The following COL19A1 variants were observed in gnomAD, a reference collection of about 807,000 sequenced individuals.
The protein encoded by COL19A1 is collagen type XIX alpha 1 chain.
A neutral mutation model predicts 190.2 loss-of-function variants in COL19A1; 159 were observed. The observed-to-expected ratio is 0.84, with a 90% CI of 0.73 to 0.95. The LOEUF is 0.95. Ranked by LOEUF, COL19A1 falls within the 40% of genes least tolerant of loss-of-function variation. The pLI is 0.00. For synonymous variants in COL19A1, 509 were observed against 458.9 expected (o/e 1.11, Z -1.39); for missense variants, 1,418 against 1,431.9 (o/e 0.99, Z 0.16).
chr6:69,999,952 G>A (rs1007826777), intron 11 of COL19A1, among the ~76,000 whole-genome samples: 6 of 151,950 alleles, frequency 3.9e-5, no homozygotes, highest in African/African-American at 1.5e-4. Flanking sequence ...TGTTACATAG[G>A]TATACGTGTG....
At chr6:70,137,187 C>A (rs1002754264) in intron 18 of COL19A1, among the ~76,000 whole-genome samples, 20 of 152,252 alleles carry the variant, frequency 1.3e-4, no homozygotes, top group African/African-American at 4.8e-4. Flanking sequence ...CACAGCCAAT[C>A]ATCTAAGTAG....
intron 9 of COL19A1, among the ~76,000 whole-genome samples, chr6:69,958,819 T>G (rs183303288): frequency 6.6e-6 from 1 of 152,202 alleles, no homozygotes; most frequent in South Asian, 2.1e-4. Context: ...ATGAAAAATT[T>G]CCTTAGATTT....
chr6:70,088,814 A>C (rs551750544), intron 15 of COL19A1, among the ~76,000 whole-genome samples: 1 of 152,242 alleles, frequency 6.6e-6, no homozygotes, highest in Admixed American at 6.5e-5. Flanking sequence ...TAAATATACA[A>C]ATGCTTATCA....
At chr6:70,132,101 T>C (rs1785561776) in intron 18 of COL19A1, among the ~76,000 whole-genome samples, 1 of 151,982 alleles carries the variant, frequency 6.6e-6, no homozygotes, top group Non-Finnish European at 1.5e-5. Context: ...CAATAAACAA[T>C]GCATAAAATA....
intron 11 of COL19A1, among the ~76,000 whole-genome samples, chr6:70,016,798 C>A (rs1489159055): frequency 6.6e-6 from 1 of 151,812 alleles, no homozygotes; most frequent in Non-Finnish European, 1.5e-5. Flanking sequence ...TAAGAAAATG[C>A]AAATTAAAGC....
chr6:70,202,606 G>T (rs1200196525), intron 49 of COL19A1, among the ~76,000 whole-genome samples: 2 of 152,192 alleles, frequency 1.3e-5, no homozygotes, highest in East Asian at 3.9e-4. Flanking sequence ...GTTTCATAAG[G>T]TTTCCTGTGC....
chr6:69,920,275 A>G (rs1358071410), intron 4 of COL19A1, among the ~76,000 whole-genome samples: 1 of 152,146 alleles, frequency 6.6e-6, no homozygotes, highest in Non-Finnish European at 1.5e-5. Context: ...ATAGTTAGTC[A>G]TTTTTAAGGA....
intron 49 of COL19A1, chr6:70,200,008 TA>T: frequency 3.4e-6 from 1 of 293,988 alleles, no homozygotes; most frequent in Non-Finnish European, 6.7e-6. Context: ...ATATTTATTA[TA>T]ACAATAACAG....
At chr6:70,192,584 A>C (rs1340799827) in intron 48 of COL19A1, among the ~76,000 whole-genome samples, 2 of 129,988 alleles carry the variant, frequency 1.5e-5, no homozygotes, top group South Asian at 5.3e-4. Flanking sequence ...CCCGTCAGGA[A>C]GTTTGAAAAA....
At chr6:70,060,820 G>A (rs1388123468) in intron 14 of COL19A1, among the ~76,000 whole-genome samples, 1 of 152,136 alleles carries the variant, frequency 6.6e-6, no homozygotes, top group African/African-American at 2.4e-5. Flanking sequence ...GAATCATCCT[G>A]AAACCATGCC....
In COL19A1 at chr6:69,945,020, A is replaced by T. The variant is rs1033285394; in HGVS notation, c.936+6920A>T. ...TCCTTAGCAACTGCATTACTTTCTC[A>T]GTTCTTTAAGACCCTTGTTAATACC... is the stretch of plus-strand genomic sequence containing the variant. On this transcript the variant is annotated intron_variant, in intron 9 of 50. Coordinates refer to ENST00000620364, the MANE Select transcript of COL19A1 (RefSeq NM_001858.6). Among the ~76,000 whole-genome samples, 3 of 151,942 alleles carry T rather than the reference A, an allele frequency of 2.0e-5. No individual in the cohort carries two copies. The South Asian group carries it at 6.2e-4, about 31-fold the overall frequency.
chr6:70,045,556 G>A (rs188572444), intron 14 of COL19A1, among the ~76,000 whole-genome samples: 23 of 152,174 alleles, frequency 1.5e-4, no homozygotes, highest in East Asian at 1.2e-3. Flanking sequence ...GGCTTGACTC[G>A]CATAGCAAAC....
chr6:70,091,576 A>G (rs2068499), intron 15 of COL19A1, among the ~76,000 whole-genome samples: 44,009 of 152,118 alleles, frequency 0.29, 8,057 homozygotes, highest in Non-Finnish European at 0.41. Flanking sequence ...TAAAAGTCAT[A>G]ATGGAAATTT....
chr6:70,075,019 G>A (rs1200286587), intron 15 of COL19A1, among the ~76,000 whole-genome samples: 1 of 152,094 alleles, frequency 6.6e-6, no homozygotes, highest in Non-Finnish European at 1.5e-5. Context: ...CACGTTAAAT[G>A]TTCTGTATTC....
At chr6:70,095,129 C>T (rs1198378716) in intron 15 of COL19A1, among the ~76,000 whole-genome samples, 1 of 152,086 alleles carries the variant, frequency 6.6e-6, no homozygotes, top group Non-Finnish European at 1.5e-5. Flanking sequence ...TAGGTTTGCC[C>T]ATTTTGTTCT....
chr6:70,140,098 A>T (rs967950429), intron 19 of COL19A1, among the ~76,000 whole-genome samples: 1 of 152,054 alleles, frequency 6.6e-6, no homozygotes, highest in African/African-American at 2.4e-5. Flanking sequence ...CTATTAAGAT[A>T]GTTCATCATG....
chr6:69,932,727 G>A, intron 6 of COL19A1, 56 bp from the exon 7 acceptor site: 1 of 982,152 alleles, frequency 1.0e-6, no homozygotes. Context: ...GTTCTTAACT[G>A]CCTGAATGTG....
At chr6:70,127,440 G>T (rs1301539578) in intron 17 of COL19A1, among the ~76,000 whole-genome samples, 1 of 152,162 alleles carries the variant, frequency 6.6e-6, no homozygotes, top group Non-Finnish European at 1.5e-5. Context: ...CCTGGGTATA[G>T]GCAGGTTGAC....
intron 37 of COL19A1, among the ~76,000 whole-genome samples, chr6:70,167,644 C>T (rs1426198221): frequency 6.6e-6 from 1 of 152,140 alleles, no homozygotes; most frequent in Non-Finnish European, 1.5e-5. Context: ...AGCACTATGG[C>T]ATTATAGCCT....
Sources: allele counts gnomAD v4.1 joint callset (sites outside exome capture counted in the v4.1 genomes callset), GRCh38; gene constraint gnomAD v4.1.1; transcripts MANE v1.5; gene names NCBI Gene and HGNC (gene_info 2026-07-23, HGNC 2026-07-21).